KDM3B: variants seen among roughly 807,000 people sequenced by gnomAD.
KDM3B encodes the protein lysine demethylase 3B.
A neutral mutation model predicts 170.0 loss-of-function variants in KDM3B; 10 were observed. The ratio of observed to expected loss-of-function variants is 0.06; its 90% CI spans 0.04 to 0.10. The LOEUF is 0.10. KDM3B is among the 10% of genes least tolerant of loss of function. The pLI, the probability that KDM3B is intolerant of heterozygous loss-of-function variation, is 1.00. For synonymous variants in KDM3B, 831 were observed against 834.8 expected, an observed-to-expected ratio of 1.00 and a Z score of 0.08; for missense variants, 1,394 against 2,195.2, an observed-to-expected ratio of 0.64 and a Z score of 7.29.
intron 11 of KDM3B, among the ~76,000 whole-genome samples, chr5:138,409,817 C>G (rs1006309525): frequency 6.6e-6 from 1 of 152,174 alleles, no homozygotes; most frequent in East Asian, 1.9e-4. Context: ...AGCGCCGTGG[C>G]TAACTCACGC....
chr5:138,371,515 T>C (rs1761875224), intron 1 of KDM3B, among the ~76,000 whole-genome samples: 1 of 151,890 alleles, frequency 6.6e-6, no homozygotes, highest in Admixed American at 6.6e-5. Context: ...TGTAGCTTCA[T>C]TTAATGTAAT....
At chr5:138,409,183 G>A (rs1762899177) in intron 11 of KDM3B, among the ~76,000 whole-genome samples, 1 of 152,052 alleles carries the variant, frequency 6.6e-6, no homozygotes, top group African/African-American at 2.4e-5. Flanking sequence ...TTAGTGGTCA[G>A]TATGAAGAAA....
Position 138,358,273 on chromosome 5 carries a change from C to T in KDM3B, c.192+5286C>T, listed in dbSNP as rs1330318789. Among the ~76,000 whole-genome samples, 17 of 149,436 alleles carry T rather than the reference C, an allele frequency of 1.1e-4. No homozygotes were observed. The South Asian group carries it at 2.1e-3, about 19-fold the overall frequency. On this transcript the variant is annotated intron_variant, in intron 1 of 23. Transcript: ENST00000314358. ...CTGGGATTACAGGCCTGAACCACCG[C>T]GCTCGGCGGGAATTTTTTTTCTTTC...
chr5:138,431,694 GT>G (rs1283631589), intron 23 of KDM3B, 135 bp downstream of exon 23: 17 of 816,466 alleles, frequency 2.1e-5, no homozygotes, highest in Admixed American at 6.5e-5. Context: ...CAGGGAAGAA[GT>G]TTGGGGATAT....
chr5:138,411,561 G>T (rs544925765), intron 11 of KDM3B, among the ~76,000 whole-genome samples: 30 of 152,120 alleles, frequency 2.0e-4, no homozygotes, highest in African/African-American at 5.1e-4. Context: ...ACTCTAAGTG[G>T]ACCATAGGCC....
chr5:138,417,593 A>T lies in KDM3B; in HGVS notation c.3418A>T (p.Thr1140Ser), dbSNP rs1180744153. The T allele has an allele frequency of 6.2e-7, 1 of 1,614,112 alleles. No homozygotes were observed. Among genetic ancestry groups the T allele is most frequent in the Non-Finnish European group, 8.5e-7 (1 of 1,179,984 alleles). The change falls in exon 13 of 24, where the codon ACC (threonine) becomes TCC (serine). Residue 1140 changes from threonine (T) to serine (S), a missense_variant. Transcript: ENST00000314358. ...CAAATCTGTATTGAGACCTGCCGTC[A>T]CCAATGGGATGTCACAGGTAAACTG... ...QNKSVLRPAV[T>S]NGMSQLPSIN...
chr5:138,374,728 G>C (rs1035159104), intron 2 of KDM3B, among the ~76,000 whole-genome samples: 1 of 152,140 alleles, frequency 6.6e-6, no homozygotes, highest in African/African-American at 2.4e-5. Context: ...ATTTCACAAA[G>C]ATTTCAAGAG....
chr5:138,425,320 C>G, intron 16 of KDM3B, 91 bp from the exon 17 acceptor site: 1 of 1,132,778 alleles, frequency 8.8e-7, no homozygotes, highest in Non-Finnish European at 1.3e-6. Flanking sequence ...GAAGAGGAGG[C>G]CCTCCTCAGG....
At chr5:138,356,997 T>G (rs1761466627) in intron 1 of KDM3B, among the ~76,000 whole-genome samples, 1 of 151,984 alleles carries the variant, frequency 6.6e-6, no homozygotes, top group East Asian at 1.9e-4. Flanking sequence ...GAATTTTATG[T>G]TATCAGAATT....
At chr5:138,361,320 T>TA (rs1323189785) in intron 1 of KDM3B, among the ~76,000 whole-genome samples, 2 of 145,584 alleles carry the variant, frequency 1.4e-5, no homozygotes, top group Non-Finnish European at 3.0e-5. Context: ...CTCCTTCAGT[T>TA]TTCTAAGGGC....
intron 11 of KDM3B, among the ~76,000 whole-genome samples, chr5:138,403,254 A>G (rs909706750): frequency 1.3e-5 from 2 of 152,224 alleles, no homozygotes; most frequent in African/African-American, 4.8e-5. Flanking sequence ...CACTACCCAG[A>G]AAAGTCACAA....
At chr5:138,421,043 A>G (rs111622659) in intron 15 of KDM3B, 81 bp downstream of exon 15, 1 of 1,500,996 alleles carries the variant, frequency 6.7e-7, no homozygotes, top group Non-Finnish European at 9.2e-7. Context: ...GTTAGAGGGT[A>G]CATGGGTGAT....
chr5:138,415,363 G>C (rs750748719), intron 12 of KDM3B, 124 bp downstream of exon 12: 8 of 540,142 alleles, frequency 1.5e-5, no homozygotes, highest in Non-Finnish European at 2.3e-5. Flanking sequence ...AGATTTCTCT[G>C]AGAATTTGGA....
chr5:138,429,565 T>TA (rs1356643703), intron 20 of KDM3B, among the ~76,000 whole-genome samples: 4 of 152,158 alleles, frequency 2.6e-5, no homozygotes, highest in African/African-American at 9.7e-5. Context: ...AAACATAAGA[T>TA]ATGGCAACAC....
chr5:138,369,775 C>G (rs114354142), intron 1 of KDM3B, among the ~76,000 whole-genome samples: 15 of 152,310 alleles, frequency 9.8e-5, no homozygotes, highest in African/African-American at 3.6e-4. Context: ...TCTGTTTATC[C>G]TGTGACATAC....
intron 1 of KDM3B, among the ~76,000 whole-genome samples, chr5:138,355,044 A>G (rs938650738): frequency 6.6e-6 from 1 of 152,172 alleles, no homozygotes; most frequent in Admixed American, 6.5e-5. Context: ...TTTGGACCGT[A>G]GGCATGTGGA....
chr5:138,436,511 C>G lies in KDM3B; in HGVS notation c.*811C>G, dbSNP rs537955197. 4 of 152,190 alleles carry G rather than the reference C, an allele frequency of 2.6e-5. No individual in the cohort carries two copies. Among genetic ancestry groups the G allele is most frequent in the African/African-American group, 9.6e-5 (4 of 41,536 alleles). 9.4% of individuals were successfully genotyped at this position (152,190 alleles called of 1,614,324 possible). A position where few individuals can be genotyped will look rare whatever the true frequency, so the allele number is the denominator to read the frequency against. ...CCAAAGCAGAATTTTTAAAAATTGG[C>G]TTTTTTAGGATTCTTTTTCTCCCCC... On this transcript the variant is annotated 3_prime_UTR_variant, in exon 24 of 24. Coordinates refer to ENST00000314358, the MANE Select transcript of KDM3B (RefSeq NM_016604.4).
In KDM3B at chr5:138,435,719, C is replaced by G; in HGVS notation, c.*19C>G. On this transcript the variant is annotated 3_prime_UTR_variant, in exon 24 of 24. Coordinates refer to ENST00000314358, the MANE Select transcript of KDM3B (RefSeq NM_016604.4). ...GTCCTAGGCATGGAGAAACTCCAAG[C>G]TCCTCTGTGAAGCAGGTCTTTCACT... 1 of 1,595,604 alleles carries G rather than the reference C, an allele frequency of 6.3e-7. No individual in the cohort carries two copies. Among genetic ancestry groups the G allele is most frequent in the Non-Finnish European group, 8.6e-7 (1 of 1,165,554 alleles).
chr5:138,352,815 C>G lies in KDM3B; in HGVS notation c.20C>G (p.Ser7Cys). 7.5e-7 allele frequency: 1 copy of G among 1,324,536 alleles called. No homozygotes were observed. The highest frequency in any genetic ancestry group is 9.7e-7 in the Non-Finnish European group (1 of 1,034,946). The allele number at this position is 1,324,536 out of a possible 1,614,324, so 82.0% of individuals were successfully genotyped here. A position where few individuals can be genotyped will look rare whatever the true frequency, so the allele number is the denominator to read the frequency against. ...CCGGCGATGGCGGACGCGGCGGCCT[C>G]CCCGGTGGGCAAGCGGCTGCTGCTG... MADAAA[S>C]PVGKRLLLLF... Residue 7 changes from serine (S) to cysteine (C), a missense_variant, in exon 1 of 24, where the codon TCC (serine) becomes TGC (cysteine). This residue lies in a region of KDM3B where 99 missense variants were observed against 97.5 expected (regional missense o/e 1.02). Transcript: ENST00000314358.
Sources: allele counts gnomAD v4.1 joint callset (sites outside exome capture counted in the v4.1 genomes callset), GRCh38; gene constraint gnomAD v4.1.1; regional missense constraint gnomAD v4.1.1; transcripts MANE v1.5; gene names NCBI Gene and HGNC (gene_info 2026-07-23, HGNC 2026-07-21).